The following LRMDA variants were observed in gnomAD, a reference collection of about 807,000 sequenced individuals.
The protein encoded by LRMDA is leucine-rich melanocyte differentiation-associated protein.
In LRMDA, 18 loss-of-function variants were observed where a neutral mutation model predicts 29.8. That is an observed-to-expected ratio of 0.60 (90% CI 0.42 to 0.90). The LOEUF is 0.90. Among genes scored for constraint, LRMDA ranks in the 40% least tolerant of loss-of-function variants. The pLI, the probability that LRMDA is intolerant of heterozygous loss-of-function variation, is 0.00. For synonymous variants in LRMDA, 125 were observed against 109.4 expected (o/e 1.14, Z -0.89); for missense variants, 273 against 273.9 (o/e 1.00, Z 0.02).
At chr10:76,232,283 G>A (rs2132273802) in intron 5 of LRMDA, among the ~76,000 whole-genome samples, 1 of 152,284 alleles carries the variant, frequency 6.6e-6, no homozygotes, top group Middle Eastern at 3.4e-3. Flanking sequence ...ATAAGGGAGT[G>A]AAAATTTTCC....
intron 2 of LRMDA, among the ~76,000 whole-genome samples, chr10:76,007,025 T>C (rs1337863327): frequency 1.8e-4 from 5 of 27,472 alleles, no homozygotes; most frequent in Admixed American, 4.2e-4. Flanking sequence ...TGTGTGTGTG[T>C]GTGTGTGCGC....
chr10:76,305,579 G>C (rs1293672181), intron 5 of LRMDA, among the ~76,000 whole-genome samples: 1 of 152,182 alleles, frequency 6.6e-6, no homozygotes, highest in African/African-American at 2.4e-5. Context: ...GATGGGCACA[G>C]GGTAGTGTTT....
At chr10:75,755,387 C>T (rs1237729132) in intron 2 of LRMDA, among the ~76,000 whole-genome samples, 1 of 152,172 alleles carries the variant, frequency 6.6e-6, no homozygotes, top group African/African-American at 2.4e-5. Flanking sequence ...GAATGTCTAC[C>T]TAGATGATGA....
chr10:75,891,504 T>C, intron 2 of LRMDA, among the ~76,000 whole-genome samples: 1 of 152,204 alleles, frequency 6.6e-6, no homozygotes, highest in Non-Finnish European at 1.5e-5. Flanking sequence ...TGCAATTGGG[T>C]GAGAAGGTCA....
chr10:75,696,168 A>G (rs1267699751), intron 2 of LRMDA, among the ~76,000 whole-genome samples: 1 of 152,266 alleles, frequency 6.6e-6, no homozygotes, highest in Non-Finnish European at 1.5e-5. Flanking sequence ...AGTTAGGTTC[A>G]GCTAAGTTAT....
At chr10:75,622,339 A>G (rs1050846628) in intron 2 of LRMDA, among the ~76,000 whole-genome samples, 1 of 152,128 alleles carries the variant, frequency 6.6e-6, no homozygotes, top group African/African-American at 2.4e-5. Flanking sequence ...AGATAAGAGG[A>G]TCAAGACAGA....
At chr10:75,730,871 G>A (rs926801582) in intron 2 of LRMDA, among the ~76,000 whole-genome samples, 7 of 151,888 alleles carry the variant, frequency 4.6e-5, no homozygotes, top group South Asian at 4.2e-4. Context: ...TTGAGAAGGG[G>A]CATTTTTTAA....
At chr10:75,723,675 A>G (rs1339243491) in intron 2 of LRMDA, among the ~76,000 whole-genome samples, 2 of 152,208 alleles carry the variant, frequency 1.3e-5, no homozygotes, top group Non-Finnish European at 2.9e-5. Flanking sequence ...TAAAACTGAT[A>G]TGACTCTTAA....
intron 2 of LRMDA, among the ~76,000 whole-genome samples, chr10:75,579,121 A>T (rs150314910): frequency 0.063 from 9,545 of 152,282 alleles, 441 homozygotes; most frequent in Non-Finnish European, 0.094. Flanking sequence ...AAAAAAATCA[A>T]TGAATCCAGG....
chr10:75,571,661 G>A (rs1347047674), intron 2 of LRMDA, among the ~76,000 whole-genome samples: 2 of 152,170 alleles, frequency 1.3e-5, no homozygotes, highest in Non-Finnish European at 2.9e-5. Context: ...TCAGGGAAAG[G>A]TACCTTGGCT....
At chr10:75,851,937 C>G (rs868403871) in intron 2 of LRMDA, among the ~76,000 whole-genome samples, 1 of 152,336 alleles carries the variant, frequency 6.6e-6, no homozygotes, top group South Asian at 2.1e-4. Flanking sequence ...AAGAAGGTCC[C>G]TTCGGTTGAG....
At chr10:75,898,570 TCTAGC>T (rs1845621293) in intron 2 of LRMDA, among the ~76,000 whole-genome samples, 1 of 151,888 alleles carries the variant, frequency 6.6e-6, no homozygotes, top group African/African-American at 2.4e-5. Flanking sequence ...GTATGGATGC[TCTAGC>T]TTCTACTGGA....
chr10:75,455,308 ATTG>A (rs1207856220), intron 2 of LRMDA, among the ~76,000 whole-genome samples: 4 of 152,268 alleles, frequency 2.6e-5, no homozygotes, highest in African/African-American at 9.6e-5. Flanking sequence ...ATACATAGGT[ATTG>A]TTGTATACCT....
chr10:75,899,308 A>G (rs555006648), intron 2 of LRMDA, among the ~76,000 whole-genome samples: 29 of 152,342 alleles, frequency 1.9e-4, no homozygotes, highest in African/African-American at 6.7e-4. Context: ...GAATAAGTCT[A>G]GCCATGAAGA....
chr10:76,545,181 GT>G (rs11291434), intron 6 of LRMDA, among the ~76,000 whole-genome samples: 89,759 of 140,274 alleles, frequency 0.64, 28,267 homozygotes, highest in Middle Eastern at 0.79. Context: ...TTTTTATTTT[GT>G]TTTTTTTTTT....
intron 5 of LRMDA, among the ~76,000 whole-genome samples, chr10:76,218,551 T>C (rs2132254499): frequency 6.6e-6 from 1 of 152,330 alleles, no homozygotes; most frequent in Non-Finnish European, 1.5e-5. Context: ...TGTAGTTAGC[T>C]GCGTGCAACT....
chr10:75,716,775 A>T (rs763178198), intron 2 of LRMDA, among the ~76,000 whole-genome samples: 5 of 152,192 alleles, frequency 3.3e-5, no homozygotes, highest in Non-Finnish European at 4.4e-5. Flanking sequence ...TTTACTCCAC[A>T]TAAAAGGTGA....
At chr10:75,800,056 G>C (rs1356368924) in intron 2 of LRMDA, among the ~76,000 whole-genome samples, 1 of 152,050 alleles carries the variant, frequency 6.6e-6, no homozygotes, top group Non-Finnish European at 1.5e-5. Flanking sequence ...TCTTCAAGTT[G>C]AGTGGTCCTT....
intron 5 of LRMDA, among the ~76,000 whole-genome samples, chr10:76,250,216 A>G (rs762286635): frequency 6.6e-6 from 1 of 152,178 alleles, no homozygotes; most frequent in Non-Finnish European, 1.5e-5. Flanking sequence ...CTGATTCCCA[A>G]AGATCCCCTG....
Sources: gnomAD v4.1 joint callset for allele counts (sites outside exome capture counted in the v4.1 genomes callset) on GRCh38, gnomAD v4.1.1 for gene constraint, MANE v1.5 for transcripts, NCBI Gene and HGNC (gene_info 2026-07-23, HGNC 2026-07-21) for gene names.